LTBP1: variants seen among roughly 807,000 people sequenced by gnomAD.
LTBP1 encodes latent-transforming growth factor beta-binding protein 1.
Under a neutral mutation model 207.6 loss-of-function variants are expected in LTBP1, and 129 were observed. The ratio of observed to expected loss-of-function variants is 0.62; its 90% CI spans 0.54 to 0.72. The LOEUF (loss-of-function observed/expected upper bound fraction) is 0.72. Among genes scored for constraint, LTBP1 ranks in the 30% least tolerant of loss-of-function variants. The pLI is 0.00. For missense variants in LTBP1, 2,281 were observed against 2,217.2 expected, an observed-to-expected ratio of 1.03 and a Z score of -0.58; for synonymous variants, 963 against 833.7, an observed-to-expected ratio of 1.16 and a Z score of -2.67.
intron 7 of LTBP1, among the ~76,000 whole-genome samples, chr2:33,202,198 CT>C (rs530975119): frequency 9.2e-5 from 14 of 152,038 alleles, no homozygotes; most frequent in East Asian, 7.7e-4. Context: ...GCTGAAATTA[CT>C]TTTTTTTAAA....
chr2:32,959,597 G>GTATATA (rs71407487), intron 2 of LTBP1, among the ~76,000 whole-genome samples: 26 of 58,332 alleles, frequency 4.5e-4, no homozygotes, highest in Middle Eastern at 0.014. Context: ...ATATGTACGT[G>GTATATA]TATATATATA....
chr2:32,996,226 C>A (rs1343208658), intron 2 of LTBP1, among the ~76,000 whole-genome samples: 1 of 152,104 alleles, frequency 6.6e-6, no homozygotes, highest in Non-Finnish European at 1.5e-5. Context: ...ATCAGGGTGC[C>A]AGCTGCTTCA....
intron 24 of LTBP1, among the ~76,000 whole-genome samples, chr2:33,332,148 G>A (rs965543862): frequency 3.3e-5 from 5 of 151,752 alleles, no homozygotes; most frequent in Non-Finnish European, 7.4e-5. Context: ...TGTTAGGGTG[G>A]AATATATATT....
In LTBP1 at chr2:33,398,966, TA is replaced by T. The variant is rs2095383224; in HGVS notation, c.*426del. The T allele has an allele frequency of 6.5e-6, 1 of 153,108 alleles. No homozygotes were observed. The highest frequency in any genetic ancestry group is 1.5e-5 in the Non-Finnish European group (1 of 68,412). The allele number at this position is 153,108 out of a possible 1,614,324, so 9.5% of individuals were successfully genotyped here. A position where few individuals can be genotyped will look rare whatever the true frequency, so the allele number is the denominator to read the frequency against. Reference sequence around the variant, plus strand: ...CTGTTTTTCTTTTACTTCAGTTTTTTAAAAATCTCAAATGAAAAAGTCTTCG... The same window carrying T: ...CTGTTTTTCTTTTACTTCAGTTTTTTAAAATCTCAAATGAAAAAGTCTTCG... On this transcript the variant is annotated 3_prime_UTR_variant, in exon 34 of 34. Coordinates refer to ENST00000404816, the MANE Select transcript of LTBP1 (RefSeq NM_206943.4).
intron 32 of LTBP1, among the ~76,000 whole-genome samples, chr2:33,395,810 A>G (rs2095353036): frequency 6.6e-6 from 1 of 151,422 alleles, no homozygotes; most frequent in African/African-American, 2.4e-5. Flanking sequence ...GTTAGACCTT[A>G]TTGCCCTCCA....
chr2:33,261,622 G>A (rs2093012313), intron 13 of LTBP1, among the ~76,000 whole-genome samples: 1 of 151,948 alleles, frequency 6.6e-6, no homozygotes, highest in Non-Finnish European at 1.5e-5. Flanking sequence ...GAAAGAGGGA[G>A]GACTAAAAGG....
At chr2:32,984,683 G>A (rs1407609445) in intron 2 of LTBP1, among the ~76,000 whole-genome samples, 1 of 151,814 alleles carries the variant, frequency 6.6e-6, no homozygotes, top group African/African-American at 2.4e-5. Flanking sequence ...GCACTTTGGA[G>A]GCCGAGGCGG....
intron 3 of LTBP1, among the ~76,000 whole-genome samples, chr2:33,098,398 A>G (rs1391678890): frequency 6.6e-6 from 1 of 152,092 alleles, no homozygotes; most frequent in African/African-American, 2.4e-5. Flanking sequence ...TTTCAAATGT[A>G]TTATTTAACT....
intron 3 of LTBP1, among the ~76,000 whole-genome samples, chr2:33,034,375 A>G (rs1419793250): frequency 4.6e-5 from 7 of 152,224 alleles, no homozygotes; most frequent in African/African-American, 1.4e-4. Flanking sequence ...TTAAATGTTT[A>G]AAGCTGATCT....
At chr2:33,185,258 T>C (rs2087074067) in intron 5 of LTBP1, among the ~76,000 whole-genome samples, 1 of 152,194 alleles carries the variant, frequency 6.6e-6, no homozygotes, top group Non-Finnish European at 1.5e-5. Flanking sequence ...TGGTGAATGT[T>C]CAGGAGGGAG....
At chr2:32,980,391 A>ATG (rs1682584003) in intron 2 of LTBP1, among the ~76,000 whole-genome samples, 1 of 152,178 alleles carries the variant, frequency 6.6e-6, no homozygotes, top group South Asian at 2.1e-4. Context: ...TAAACTGATG[A>ATG]CAACCTAACA....
chr2:32,994,176 G>A (rs1684880684), intron 2 of LTBP1, among the ~76,000 whole-genome samples: 1 of 152,162 alleles, frequency 6.6e-6, no homozygotes, highest in Non-Finnish European at 1.5e-5. Flanking sequence ...GTCATCAGAG[G>A]TCTTTACGTA....
At chr2:33,071,775 G>A (rs1421288719) in intron 3 of LTBP1, among the ~76,000 whole-genome samples, 1 of 152,094 alleles carries the variant, frequency 6.6e-6, no homozygotes, top group Non-Finnish European at 1.5e-5. Context: ...GGTCGTCTGG[G>A]GATTCTTCTT....
At chr2:32,977,730 G>A (rs1234108871) in intron 2 of LTBP1, among the ~76,000 whole-genome samples, 3 of 152,092 alleles carry the variant, frequency 2.0e-5, no homozygotes, top group Non-Finnish European at 4.4e-5. Flanking sequence ...CTCCCTTGTT[G>A]GGGAGCTTCT....
At chr2:33,009,563 C>T (rs915056957) in intron 2 of LTBP1, among the ~76,000 whole-genome samples, 1 of 152,128 alleles carries the variant, frequency 6.6e-6, no homozygotes, top group African/African-American at 2.4e-5. Context: ...AGCCAAAGAA[C>T]GCTTGAGGCT....
At chr2:33,122,033 CCCTCCACACA>C (rs567059626) in intron 4 of LTBP1, among the ~76,000 whole-genome samples, 72 of 151,862 alleles carry the variant, frequency 4.7e-4, no homozygotes, top group African/African-American at 1.7e-3. Flanking sequence ...CACCCTGCCC[CCCTCCACACA>C]CACATCTTGT....
At chr2:33,289,635 GGATTATAGACAA>G (rs2148778577) in intron 19 of LTBP1, among the ~76,000 whole-genome samples, 1 of 152,234 alleles carries the variant, frequency 6.6e-6, no homozygotes, top group African/African-American at 2.4e-5. Flanking sequence ...TGAGTTTCTA[GGATTATAGACAA>G]GAGCCACCAC....
At chr2:33,252,588 C>T in intron 10 of LTBP1, 89 bp from the exon 11 acceptor site, 1 of 1,227,178 alleles carries the variant, frequency 8.1e-7, no homozygotes, top group Non-Finnish European at 1.1e-6. Context: ...GTTTTTAATT[C>T]ATACCTTAGG....
chr2:32,963,618 T>A lies in LTBP1; in HGVS notation c.565+14673T>A, dbSNP rs186550144. 7.2e-5 allele frequency among the ~76,000 whole-genome samples: 11 copies of A among 152,310 alleles called. No homozygotes were observed. The Middle Eastern group carries it at 0.01, about 141-fold the overall frequency. On this transcript the variant is annotated intron_variant, in intron 2 of 33. Coordinates refer to ENST00000404816, the MANE Select transcript of LTBP1 (RefSeq NM_206943.4). ...TATAAATGTGTTTTGTACCTTTAGG[T>A]CTTCCTAATTCTGTTCTGTTCCTTA...
Sources: gnomAD v4.1 joint callset for allele counts (sites outside exome capture counted in the v4.1 genomes callset) on GRCh38, gnomAD v4.1.1 for gene constraint, MANE v1.5 for transcripts, NCBI Gene and HGNC (gene_info 2026-07-23, HGNC 2026-07-21) for gene names.